Variants in SLC41A3 observed in about 807,000 individuals in gnomAD.
The protein encoded by SLC41A3 is solute carrier family 41 member 3, also known as SLC41A1-like 2.
A neutral mutation model predicts 45.4 loss-of-function variants in SLC41A3; 44 were observed. The observed-to-expected ratio is 0.97, with a 90% CI of 0.76 to 1.25. The LOEUF (loss-of-function observed/expected upper bound fraction) is 1.25. Ranked by LOEUF, SLC41A3 falls within the 50% of genes most tolerant of loss-of-function variation. The probability of loss-of-function intolerance (pLI) is 0.00; values close to 1 mark genes in which losing one functional copy is unlikely to be tolerated. For missense variants in SLC41A3, 550 were observed against 600.6 expected, an observed-to-expected ratio of 0.92 and a Z score of 0.88; for synonymous variants, 256 against 252.4, an observed-to-expected ratio of 1.01 and a Z score of -0.13.
chr3:126,090,283 T>C lies in SLC41A3; in HGVS notation c.-79+11146A>G, dbSNP rs75071045. 6.4e-3 allele frequency among the ~76,000 whole-genome samples: 978 copies of C among 152,300 alleles called. 11 individuals are homozygous for C. Among genetic ancestry groups the C allele is most frequent in the African/African-American group, 0.022 (928 of 41,564 alleles). The stretch of plus-strand genomic sequence containing the variant: ...ACTTAGAAGGAGCCTATGTGGCTAA[T>C]CAATTTTTGCTGAATTTTATGCAAA... On this transcript the variant is annotated intron_variant, in intron 1 of 9. Coordinates refer to the SLC41A3 transcript ENST00000508835.
chr3:126,040,967 G>A (rs966116789), intron 3 of SLC41A3, among the ~76,000 whole-genome samples: 43 of 152,160 alleles, frequency 2.8e-4, no homozygotes, highest in Non-Finnish European at 5.7e-4. Flanking sequence ...TAAGTATCTA[G>A]GATAAGTTAA....
intron 3 of SLC41A3, among the ~76,000 whole-genome samples, chr3:126,038,809 G>A (rs1057118694): frequency 6.6e-6 from 1 of 152,172 alleles, no homozygotes; most frequent in Non-Finnish European, 1.5e-5. Context: ...GAATGATCTG[G>A]TTTGGATATT....
At chr3:126,033,469 G>T in intron 4 of SLC41A3, 138 bp downstream of exon 4, 1 of 872,770 alleles carries the variant, frequency 1.1e-6, no homozygotes. Context: ...TATTGGATGT[G>T]GGAGGGACAG....
chr3:126,092,532 A>C (rs2108132595), intron 1 of SLC41A3: 2 of 152,186 alleles, frequency 1.3e-5, no homozygotes, highest in East Asian at 3.9e-4. Context: ...ACACCTCTAT[A>C]TTTGTGTGTG....
chr3:126,101,037 G>A (rs1333348488), intron 1 of SLC41A3, among the ~76,000 whole-genome samples: 1 of 152,246 alleles, frequency 6.6e-6, no homozygotes, highest in Non-Finnish European at 1.5e-5. Context: ...CGGGGGAGAT[G>A]AGCCTCCATG....
chr3:126,066,411 G>A (rs1026456744), intron 2 of SLC41A3, among the ~76,000 whole-genome samples: 2 of 152,200 alleles, frequency 1.3e-5, no homozygotes, highest in Non-Finnish European at 2.9e-5. Context: ...TGAACCATGT[G>A]TGTTTTATTG....
intron 2 of SLC41A3, among the ~76,000 whole-genome samples, chr3:126,060,439 T>C (rs867827026): frequency 1.4e-5 from 2 of 146,320 alleles, no homozygotes; most frequent in African/African-American, 2.5e-5. Context: ...GTGAGAAGGA[T>C]ACACACACAC....
At chr3:126,029,454 A>G (rs1278861261) in intron 4 of SLC41A3, among the ~76,000 whole-genome samples, 2 of 151,938 alleles carry the variant, frequency 1.3e-5, no homozygotes, top group Non-Finnish European at 2.9e-5. Flanking sequence ...AAGTTTCCTG[A>G]GGACTCCTCA....
At chr3:126,077,304 T>C (rs993941472) in intron 1 of SLC41A3, among the ~76,000 whole-genome samples, 1 of 152,044 alleles carries the variant, frequency 6.6e-6, no homozygotes, top group Non-Finnish European at 1.5e-5. Flanking sequence ...CACTTGAACC[T>C]GGGAGGCGGA....
intron 3 of SLC41A3, among the ~76,000 whole-genome samples, chr3:126,041,935 G>A (rs1942622396): frequency 6.6e-6 from 1 of 152,118 alleles, no homozygotes; most frequent in Non-Finnish European, 1.5e-5. Flanking sequence ...GGAATTCCAT[G>A]GTGTTTCTGC....
intron 1 of SLC41A3, among the ~76,000 whole-genome samples, chr3:126,096,855 G>C (rs1246278848): frequency 1.3e-5 from 2 of 152,288 alleles, no homozygotes; most frequent in Non-Finnish European, 2.9e-5. Context: ...AATGCTGCTG[G>C]GTTAGGGTCT....
At chr3:126,056,384 C>A (rs777047894) in intron 2 of SLC41A3, 1 of 1,613,932 alleles carries the variant, frequency 6.2e-7, no homozygotes, top group African/African-American at 1.3e-5. Context: ...ACCAGGCCGG[C>A]TGTCATCATG....
Position 126,006,362 on chromosome 3 carries a change from T to A in SLC41A3, c.*654A>T. On this transcript the variant is annotated 3_prime_UTR_variant, in exon 11 of 11. Transcript: ENST00000360370. The stretch of plus-strand genomic sequence containing the variant: ...ATCTTTAAAGACATAAAGGGTCAAG[T>A]ACAATATAATCTGTTTTATTTTACA... 3 of 1,571,414 alleles carry A rather than the reference T, an allele frequency of 1.9e-6. No homozygotes were observed. Among genetic ancestry groups the A allele is most frequent in the Non-Finnish European group, 2.6e-6 (3 of 1,152,468 alleles).
At chr3:126,022,349 T>C (rs1940959406) in intron 6 of SLC41A3, among the ~76,000 whole-genome samples, 1 of 152,258 alleles carries the variant, frequency 6.6e-6, no homozygotes, top group South Asian at 2.1e-4. Context: ...TATAATGGAA[T>C]ACCAGAAATT....
chr3:126,040,710 C>T (rs1041300718), intron 3 of SLC41A3, among the ~76,000 whole-genome samples: 1 of 152,108 alleles, frequency 6.6e-6, no homozygotes, highest in South Asian at 2.1e-4. Flanking sequence ...GCCCCCTTAC[C>T]CATGAAAAGA....
At position 126,078,504 on chromosome 3, in the gene SLC41A3, C is replaced by G. The variant is rs567918181; in HGVS notation, c.-28+5589G>C. ...GCTTCTCTGGGTGGAAGCCCCAGAA[C>G]CATGAGGAGGAAGGATGCTTGGCAG... On this transcript the variant is annotated intron_variant, in intron 1 of 10. Transcript: ENST00000360370. Among the ~76,000 whole-genome samples, 138 of 152,254 alleles carry G rather than the reference C, an allele frequency of 9.1e-4. 2 individuals carry two copies. The highest frequency in any genetic ancestry group is 3.1e-3 in the African/African-American group (128 of 41,546).
At chr3:126,050,428 TA>T (rs1417777286) in intron 3 of SLC41A3, among the ~76,000 whole-genome samples, 1 of 152,158 alleles carries the variant, frequency 6.6e-6, no homozygotes, top group African/African-American at 2.4e-5. Context: ...GAAGAGCTGG[TA>T]AAGCTAGGAA....
Position 126,006,522 on chromosome 3 carries a change from C to A in SLC41A3, c.*494G>T. ...GAGGCCCCATCCTGGGGAGGCTGTA[C>A]ACCTTCTTGGCACAGCAGCAGTGTG... is the stretch of plus-strand genomic sequence containing the variant. On this transcript the variant is annotated 3_prime_UTR_variant, in exon 11 of 11. Transcript: ENST00000360370. The A allele has an allele frequency of 6.2e-7, 1 of 1,613,270 alleles. No homozygotes were observed. The highest frequency in any genetic ancestry group is 8.5e-7 in the Non-Finnish European group (1 of 1,179,874).
chr3:126,101,390 G>T (rs1305039271), intron 1 of SLC41A3: 1 of 152,266 alleles, frequency 6.6e-6, no homozygotes, highest in East Asian at 1.9e-4. Context: ...AGGGGACAAA[G>T]AAAGGAAATT....
Sources: gnomAD v4.1 joint callset for allele counts (sites outside exome capture counted in the v4.1 genomes callset) on GRCh38, gnomAD v4.1.1 for gene constraint, MANE v1.5 for transcripts, NCBI Gene and HGNC (gene_info 2026-07-23, HGNC 2026-07-21) for gene names.